SCN1A: variants seen among roughly 807,000 people sequenced by gnomAD.
SCN1A encodes the protein sodium voltage-gated channel alpha subunit 1, also known as sodium channel protein type 1 subunit alpha.
SCN1A carries 13 observed loss-of-function variants against 193.7 expected under a neutral mutation model. The observed-to-expected ratio is 0.07, with a 90% CI of 0.04 to 0.11. The LOEUF (loss-of-function observed/expected upper bound fraction) is 0.11. Ranked by LOEUF, SCN1A falls within the 10% of genes least tolerant of loss-of-function variation. The pLI is 1.00. For synonymous variants in SCN1A, 781 were observed against 843.6 expected (o/e 0.93, Z 1.29); for missense variants, 1,432 against 2,451.1 (o/e 0.58, Z 8.78).
At position 166,029,001 on chromosome 2, in the gene SCN1A, A is replaced by T. The variant is rs375654319; in HGVS notation, c.3429+7047T>A. ...GTGAGGATGAGTCAGGTGAAGCAGG[A>T]TAGAGTAAGAGAGTATTCCTGTCAG... On this transcript the variant is annotated intron_variant, in intron 19 of 28. Transcript: ENST00000674923. Among the ~76,000 whole-genome samples the T allele has an allele frequency of 3.3e-5, 5 of 152,282 alleles. No individual in the cohort carries two copies. The East Asian group carries it at 9.7e-4, about 29-fold the overall frequency.
chr2:166,078,232 C>G (rs1685166334), intron 2 of SCN1A, among the ~76,000 whole-genome samples: 1 of 151,684 alleles, frequency 6.6e-6, no homozygotes, highest in South Asian at 2.1e-4. Flanking sequence ...AACACTGTCT[C>G]TAAAATAGCT....
At chr2:165,997,900 C>T (rs1690297015) in intron 26 of SCN1A, 138 bp downstream of exon 26, 1 of 647,982 alleles carries the variant, frequency 1.5e-6, no homozygotes, top group Non-Finnish European at 2.8e-6. Context: ...TAGTGAATGA[C>T]AGAGGAAGAG....
Position 166,073,490 on chromosome 2 carries a change from G to C in SCN1A, c.132C>G (p.Asp44Glu). Residue 44 changes from aspartate (D) to glutamate (E), a missense_variant, in exon 4 of 29, where the codon GAC becomes GAG. Transcript: ENST00000674923. Reference protein sequence around the residue: ...AKNPKPDKKDDDENGPKPNSD... With the variant: ...AKNPKPDKKDEDENGPKPNSD... ...TATTTGGCTTTGGGCCATTTTCGTC[G>C]TCATCTTTTTTGTCTGGTTTGGGAT... is the stretch of plus-strand genomic sequence containing the variant. 1 of 1,614,088 alleles carries C rather than the reference G, an allele frequency of 6.2e-7. No homozygotes were observed. The highest frequency in any genetic ancestry group is 8.5e-7 in the Non-Finnish European group (1 of 1,180,012).
rs201229812 is a variant in SCN1A at position 166,073,405 on chromosome 2, C to G, written c.217G>C (p.Val73Leu). ...TCCAGGTCCTCCAGGGGCTCTGACACCATCTCTGGAGGAATGTCTCCATAA... is the reference window on the plus strand; with the variant it reads ...TCCAGGTCCTCCAGGGGCTCTGACAGCATCTCTGGAGGAATGTCTCCATAA... ...FIYGDIPPEM[V>L]SEPLEDLDPY... The change falls in exon 4 of 29, where the codon GTG (valine) becomes CTG (leucine). Residue 73 changes from valine (V) to leucine (L), a missense_variant. Physicochemically the swap from Val to Leu is conservative, Grantham distance 32 (BLOSUM62 1). This residue lies in a region of SCN1A where 123 missense variants were observed against 282.8 expected (regional missense o/e 0.43). Coordinates refer to ENST00000674923, the MANE Select transcript of SCN1A (RefSeq NM_001165963.4). 1.9e-5 allele frequency: 30 copies of G among 1,614,170 alleles called. No individual in the cohort carries two copies. The highest frequency in any genetic ancestry group is 2.5e-5 in the Non-Finnish European group (29 of 1,180,016).
chr2:166,147,629 A>C (rs546371603), intron 1 of SCN1A, among the ~76,000 whole-genome samples: 3 of 152,288 alleles, frequency 2.0e-5, no homozygotes, highest in South Asian at 4.1e-4. Flanking sequence ...ACCTGGTCTG[A>C]TGGGGCTCTT....
At chr2:166,126,689 A>G (rs1475367676) in intron 2 of SCN1A, among the ~76,000 whole-genome samples, 1 of 152,214 alleles carries the variant, frequency 6.6e-6, no homozygotes, top group Non-Finnish European at 1.5e-5. Context: ...TATAGGTGTG[A>G]TAGCAACAGC....
chr2:166,041,471 T>C lies in SCN1A; in HGVS notation c.2177-2A>G. On this transcript the variant is annotated splice_acceptor_variant, in intron 15 of 28. Coordinates refer to ENST00000674923, the MANE Select transcript of SCN1A (RefSeq NM_001165963.4). LOFTEE classifies it high-confidence loss of function. The stretch of plus-strand genomic sequence containing the variant: ...ATTTCTGCCTGGATTCTTCAAGTTC[T>C]AGATTAAGAAAAAAAAAAAAAAGAA... The C allele has an allele frequency of 6.8e-7, 1 of 1,480,360 alleles. No individual in the cohort carries two copies. The highest frequency in any genetic ancestry group is 9.1e-7 in the Non-Finnish European group (1 of 1,096,354). 91.7% of individuals were successfully genotyped at this position (1,480,360 alleles called of 1,614,324 possible).
intron 6 of SCN1A, among the ~76,000 whole-genome samples, chr2:166,056,182 G>A (rs1366676513): frequency 6.6e-6 from 1 of 152,048 alleles, no homozygotes; most frequent in Admixed American, 6.6e-5. Context: ...AGGGGTAAAT[G>A]TCCAAGAGTG....
chr2:165,998,625 G>C (rs1242134473), intron 25 of SCN1A, among the ~76,000 whole-genome samples: 2 of 151,298 alleles, frequency 1.3e-5, no homozygotes, highest in African/African-American at 2.4e-5. Context: ...TAAAGTAACA[G>C]TTATTGAATT....
intron 14 of SCN1A, 41 bp from the exon 15 acceptor site, chr2:166,042,465 G>A (rs2105836145): frequency 2.5e-6 from 4 of 1,600,752 alleles, no homozygotes; most frequent in Non-Finnish European, 1.7e-6. Flanking sequence ...ATTAATTTGA[G>A]CAATATGACA....
intron 1 of SCN1A, among the ~76,000 whole-genome samples, chr2:166,144,521 C>A (rs1692224901): frequency 6.6e-6 from 1 of 151,964 alleles, no homozygotes; most frequent in African/African-American, 2.4e-5. Context: ...AATACATATA[C>A]CGGAAAATTA....
chr2:166,020,822 GA>G (rs921381934), intron 19 of SCN1A, among the ~76,000 whole-genome samples: 65 of 147,686 alleles, frequency 4.4e-4, no homozygotes, highest in East Asian at 9.8e-4. Flanking sequence ...TCCTCTGGGG[GA>G]AAAAAAAAAC....
intron 20 of SCN1A, among the ~76,000 whole-genome samples, chr2:166,014,899 G>A (rs1435828950): frequency 2.0e-5 from 3 of 151,794 alleles, no homozygotes; most frequent in Non-Finnish European, 4.4e-5. Context: ...ACAAGCTGCT[G>A]TTCCACCATG....
intron 2 of SCN1A, among the ~76,000 whole-genome samples, chr2:166,117,058 T>C (rs1021277984): frequency 3.5e-4 from 54 of 152,310 alleles, no homozygotes; most frequent in African/African-American, 1.3e-3. Flanking sequence ...AATTTTCTCT[T>C]GAAAGGCCAA....
At chr2:166,048,787 G>T (rs1416061388) in intron 10 of SCN1A, 99 bp downstream of exon 10, 13 of 792,832 alleles carry the variant, frequency 1.6e-5, no homozygotes, top group Non-Finnish European at 2.6e-5. Context: ...AATAAAATTA[G>T]TTGGCTGTTA....
At chr2:166,129,396 C>A (rs1691547585), upstream of SCN1A, among the ~76,000 whole-genome samples, 1 of 152,114 alleles carries the variant, frequency 6.6e-6, no homozygotes, top group Non-Finnish European at 1.5e-5. Context: ...ACCAATGGGT[C>A]CATCTTGTGG....
chr2:166,148,309 C>T (rs1692403801), intron 1 of SCN1A, among the ~76,000 whole-genome samples: 1 of 152,188 alleles, frequency 6.6e-6, no homozygotes, highest in Non-Finnish European at 1.5e-5. Context: ...TTTTCTGCAG[C>T]ATTCAATAAA....
intron 23 of SCN1A, among the ~76,000 whole-genome samples, chr2:166,003,185 T>C (rs1691176989): frequency 1.3e-5 from 2 of 151,494 alleles, no homozygotes; most frequent in Non-Finnish European, 3.0e-5. Flanking sequence ...ATTTGACCAA[T>C]ATATTTTTAA....
At chr2:166,131,997 G>T (rs1441716173), upstream of SCN1A, among the ~76,000 whole-genome samples, 1 of 152,084 alleles carries the variant, frequency 6.6e-6, no homozygotes, top group Middle Eastern at 3.2e-3. Flanking sequence ...ATTTGTTTGG[G>T]AATCTATAGT....
Sources: allele counts gnomAD v4.1 joint callset (sites outside exome capture counted in the v4.1 genomes callset), GRCh38; gene constraint gnomAD v4.1.1; regional missense constraint gnomAD v4.1.1; transcripts MANE v1.5; gene names NCBI Gene and HGNC (gene_info 2026-07-23, HGNC 2026-07-21).